Variants in NUP43 observed in about 807,000 individuals in gnomAD.
NUP43 encodes the protein nucleoporin Nup43.
NUP43 carries 32 observed loss-of-function variants against 47.3 expected under a neutral mutation model. That is an observed-to-expected ratio of 0.68 (90% CI 0.51 to 0.91). The LOEUF is 0.91. NUP43 is among the 40% of genes least tolerant of loss of function. The probability of loss-of-function intolerance (pLI) is 0.00; values close to 1 mark genes in which losing one functional copy is unlikely to be tolerated. For synonymous variants in NUP43, 147 were observed against 158.4 expected, an observed-to-expected ratio of 0.93 and a Z score of 0.54; for missense variants, 444 against 453.9, an observed-to-expected ratio of 0.98 and a Z score of 0.20.
chr6:149,734,391 T>G (rs1367675380), intron 6 of NUP43, among the ~76,000 whole-genome samples: 1 of 151,662 alleles, frequency 6.6e-6, no homozygotes, highest in Non-Finnish European at 1.5e-5. Context: ...CCTCAGCTAC[T>G]CGGGAGGCTG....
chr6:149,746,338 G>GAGA, intron 1 of NUP43, 38 bp downstream of exon 1: 1 of 1,607,238 alleles, frequency 6.2e-7, no homozygotes. Flanking sequence ...ACCGGAGAGA[G>GAGA]GGAGGAGGTA....
chr6:149,728,260 G>A, intron 7 of NUP43: 1 of 969,312 alleles, frequency 1.0e-6, no homozygotes, highest in Non-Finnish European at 1.2e-6. Context: ...ACTGTGCCTT[G>A]CAATAGTAGA....
chr6:149,747,529 C>T (rs1032510705), upstream of NUP43, among the ~76,000 whole-genome samples: 6 of 151,138 alleles, frequency 4.0e-5, no homozygotes, highest in African/African-American at 1.5e-4. Context: ...CTCAGGTGAT[C>T]CAACTGCCTT....
chr6:149,734,848 G>T (rs1387282275), intron 6 of NUP43, among the ~76,000 whole-genome samples: 1 of 143,674 alleles, frequency 7.0e-6, no homozygotes, highest in Non-Finnish European at 1.5e-5. Flanking sequence ...ATCAAAGACA[G>T]AGTGAGAAAA....
At chr6:149,729,058 T>C (rs1275274821) in intron 7 of NUP43, among the ~76,000 whole-genome samples, 1 of 152,148 alleles carries the variant, frequency 6.6e-6, no homozygotes, top group East Asian at 1.9e-4. Context: ...TGGCGTGACC[T>C]TGGCTCACTG....
rs1785052341 is a variant in NUP43 at position 149,731,691 on chromosome 6, T to C, written c.835A>G (p.Thr279Ala). The change falls in exon 7 of 8, where the codon ACC (threonine) becomes GCC (alanine). Residue 279 changes from threonine (T) to alanine (A), a missense_variant. By Grantham distance (58) the Thr-to-Ala change is moderately conservative. Transcript: ENST00000340413. ...CAGAGGGATCCATCTTCAGAGCAGG[T>C]AAAAAGATGTTCTGGGTTGGATGGG... ...FHPSNPEHLF[T>A]CSEDGSLWHW... 1 of 1,613,652 alleles carries C rather than the reference T, an allele frequency of 6.2e-7. No individual in the cohort carries two copies.
chr6:149,737,942 C>T (rs1041401301), intron 5 of NUP43, among the ~76,000 whole-genome samples: 5 of 152,138 alleles, frequency 3.3e-5, no homozygotes, highest in Non-Finnish European at 4.4e-5. Context: ...CTGCCTGCCT[C>T]GGCCTCCCAA....
intron 7 of NUP43, among the ~76,000 whole-genome samples, chr6:149,730,363 C>T (rs1210179681): frequency 2.0e-5 from 3 of 152,164 alleles, no homozygotes; most frequent in Non-Finnish European, 2.9e-5. Context: ...CAACTTTTTT[C>T]TTGCCATTCA....
chr6:149,732,912 ATTTTAT>A (rs1394496866), intron 6 of NUP43, among the ~76,000 whole-genome samples: 1 of 151,946 alleles, frequency 6.6e-6, no homozygotes, highest in African/African-American at 2.4e-5. Context: ...AGCTTATTTT[ATTTTAT>A]TTTTATTTTT....
intron 6 of NUP43, among the ~76,000 whole-genome samples, chr6:149,736,157 A>G (rs1373203364): frequency 2.0e-5 from 3 of 150,512 alleles, no homozygotes; most frequent in African/African-American, 7.4e-5. Flanking sequence ...CATGCCTGTA[A>G]TCCCAGCTAC....
intron 3 of NUP43, 48 bp from the exon 4 acceptor site, chr6:149,742,618 T>C (rs774914241): frequency 2.1e-5 from 29 of 1,398,474 alleles, no homozygotes; most frequent in Non-Finnish European, 2.7e-5. Context: ...ACTAAGGAAT[T>C]AGCACTTCTT....
At chr6:149,736,131 G>C (rs1785335955) in intron 6 of NUP43, among the ~76,000 whole-genome samples, 1 of 151,800 alleles carries the variant, frequency 6.6e-6, no homozygotes, top group African/African-American at 2.4e-5. Flanking sequence ...TATAAAATTA[G>C]CCAGGTGTGG....
At chr6:149,737,242 C>CCACTAAA (rs1347679612) in intron 5 of NUP43, among the ~76,000 whole-genome samples, 1 of 151,796 alleles carries the variant, frequency 6.6e-6, no homozygotes, top group African/African-American at 2.4e-5. Context: ...CAAGATCATG[C>CCACTAAA]CACTGCACTC....
rs894412203 is a variant in NUP43, at chr6:149,725,790, A to G, written c.*1179T>C. On this transcript the variant is annotated 3_prime_UTR_variant, in exon 8 of 8. Coordinates refer to ENST00000340413, the MANE Select transcript of NUP43 (RefSeq NM_198887.3). ...TCATTAAATTATCTTAAAACACTAC[A>G]TTAGTTCATTATTATCCCTGCAGAC... 7 of 152,180 alleles carry G rather than the reference A, an allele frequency of 4.6e-5. No individual in the cohort carries two copies. The highest frequency in any genetic ancestry group is 1.7e-4 in the African/African-American group (7 of 41,434). 9.4% of individuals were successfully genotyped at this position (152,180 alleles called of 1,614,324 possible). A position where few individuals can be genotyped will look rare whatever the true frequency, so the allele number is the denominator to read the frequency against.
chr6:149,731,888 G>C (rs1785063717), intron 6 of NUP43, among the ~76,000 whole-genome samples, 153 bp from the exon 7 acceptor site: 2 of 152,112 alleles, frequency 1.3e-5, no homozygotes, highest in African/African-American at 4.8e-5. Flanking sequence ...CAGAATTAAA[G>C]AAAAGACATA....
chr6:149,742,506 T>TAGGA lies in NUP43; in HGVS notation c.382_385dup (p.Tyr129PhefsTer3). The TAGGA allele has an allele frequency of 6.2e-7, 1 of 1,614,106 alleles. No individual in the cohort carries two copies. The highest frequency in any genetic ancestry group is 8.5e-7 in the Non-Finnish European group (1 of 1,179,956). On this transcript the variant is annotated frameshift_variant, in exon 4 of 8. Transcript: ENST00000340413. LOFTEE classifies it high-confidence loss of function. ...AACACCTGTACATGGTGCACTGCTA[T>TAGGA]AGGAAGGACTGCCAGGGCCTGTGTG...
chr6:149,730,302 C>T (rs762881910), intron 7 of NUP43, among the ~76,000 whole-genome samples: 21 of 152,228 alleles, frequency 1.4e-4, no homozygotes, highest in Non-Finnish European at 2.8e-4. Context: ...AGCCACCACA[C>T]CCGGCCTGAG....
rs1214141136 is a variant in NUP43, at chr6:149,731,734, C to T, written c.792G>A (p.Met264Ile). The part of the protein sequence containing the change: ...VSLLKAHEAE[M>I]WEVHFHPSNP... ...TGGATGGGTGAAAGTGAACTTCCCA[C>T]ACTAAGAGACAAGAATCAATAAGCT... Residue 264 changes from methionine to isoleucine, a missense_variant and splice_region_variant, in exon 7 of 8, where the codon ATG (methionine) becomes ATA (isoleucine). Met to Ile is a conservative substitution (Grantham distance 10). Transcript: ENST00000340413. 2 of 1,613,396 alleles carry T rather than the reference C, an allele frequency of 1.2e-6. No homozygotes were observed. Among genetic ancestry groups the T allele is most frequent in the Admixed American group, 1.7e-5 (1 of 59,882 alleles).
chr6:149,742,634 C>T lies in NUP43; in HGVS notation c.322-64G>A, dbSNP rs140635505. ...CTAAGGAATTAGCACTTCTTCCCAA[C>T]AAGAGTATCTTTAAATTCTGACTCA... On this transcript the variant is annotated intron_variant, in intron 3 of 7. Transcript: ENST00000340413. The T allele has an allele frequency of 1.2e-3, 1,529 of 1,226,722 alleles. 3 individuals are homozygous for T. Among genetic ancestry groups the T allele is most frequent in the Middle Eastern group, 6.1e-3 (31 of 5,056 alleles). 76.0% of individuals were successfully genotyped at this position (1,226,722 alleles called of 1,614,324 possible).
Sources: gnomAD v4.1 joint callset for allele counts (sites outside exome capture counted in the v4.1 genomes callset) on GRCh38, gnomAD v4.1.1 for gene constraint, MANE v1.5 for transcripts, NCBI Gene and HGNC (gene_info 2026-07-23, HGNC 2026-07-21) for gene names.